Variants in STAMBP observed in about 807,000 individuals in gnomAD.
STAMBP encodes the protein STAM-binding protein.
In STAMBP, 31 loss-of-function variants were observed where a neutral mutation model predicts 50.7. The observed-to-expected ratio is 0.61, with a 90% CI of 0.46 to 0.83. The LOEUF is 0.83. Among genes scored for constraint, STAMBP ranks in the 40% least tolerant of loss-of-function variants. STAMBP has a pLI of 0.00. For synonymous variants in STAMBP, 211 were observed against 192.4 expected (o/e 1.10, Z -0.80); for missense variants, 472 against 518.9 (o/e 0.91, Z 0.88).
intron 7 of STAMBP, among the ~76,000 whole-genome samples, chr2:73,857,798 C>T (rs1677749506): frequency 6.6e-6 from 1 of 152,082 alleles, no homozygotes; most frequent in African/African-American, 2.4e-5. Flanking sequence ...TCTCCCCCAC[C>T]CCACTTGTGG....
intron 7 of STAMBP, among the ~76,000 whole-genome samples, chr2:73,854,341 G>T (rs1352558141): frequency 6.6e-6 from 1 of 152,224 alleles, no homozygotes; most frequent in Non-Finnish European, 1.5e-5. Flanking sequence ...ATGGGGGAAA[G>T]TTTAGAATCA....
At chr2:73,840,699 G>C (rs1178117789) in intron 2 of STAMBP, among the ~76,000 whole-genome samples, 1 of 149,770 alleles carries the variant, frequency 6.7e-6, no homozygotes, top group African/African-American at 2.5e-5. Context: ...AGCCGAGACT[G>C]CCCCACTGCA....
intron 2 of STAMBP, among the ~76,000 whole-genome samples, chr2:73,836,697 T>G (rs1217619284): frequency 6.6e-6 from 1 of 152,220 alleles, no homozygotes; most frequent in Middle Eastern, 3.2e-3. Flanking sequence ...GAACAGGGCC[T>G]TCTTCCTCCC....
intron 9 of STAMBP, among the ~76,000 whole-genome samples, chr2:73,860,827 A>G (rs976971650): frequency 6.6e-6 from 1 of 152,202 alleles, no homozygotes; most frequent in African/African-American, 2.4e-5. Flanking sequence ...AAAAGGGACT[A>G]AGAACCTTGA....
chr2:73,862,129 C>A, intron 9 of STAMBP, 74 bp from the exon 10 acceptor site: 1 of 1,383,150 alleles, frequency 7.2e-7, no homozygotes, highest in Non-Finnish European at 9.8e-7. Context: ...AGAGCAAGAC[C>A]CTATATGAAG....
chr2:73,849,143 T>C (rs1676487790), intron 5 of STAMBP, among the ~76,000 whole-genome samples: 1 of 152,230 alleles, frequency 6.6e-6, no homozygotes, highest in African/African-American at 2.4e-5. Context: ...TACTATTTTC[T>C]CTTCTTGAAG....
intron 4 of STAMBP, 90 bp from the exon 5 acceptor site, chr2:73,847,297 T>C: frequency 6.8e-7 from 1 of 1,480,404 alleles, no homozygotes; most frequent in Non-Finnish European, 9.1e-7. Flanking sequence ...GAAGTACATT[T>C]TGGAAATCTC....
chr2:73,830,749 A>G, intron 1 of STAMBP, 96 bp from the exon 2 acceptor site: 1 of 916,124 alleles, frequency 1.1e-6, no homozygotes, highest in Non-Finnish European at 1.6e-6. Context: ...TTTCTCTTAT[A>G]TTTTCTTCTT....
At chr2:73,830,784 T>C in intron 1 of STAMBP, 61 bp from the exon 2 acceptor site, 2 of 1,326,672 alleles carry the variant, frequency 1.5e-6, no homozygotes, top group South Asian at 1.2e-5. Flanking sequence ...TGAGATAAAC[T>C]GTAAAACTGC....
intron 1 of STAMBP, 138 bp downstream of exon 1, chr2:73,829,648 ATC>A (rs1362722361): frequency 6.6e-6 from 1 of 152,216 alleles, no homozygotes. Context: ...GAGATGGACT[ATC>A]TCTGCATCCC....
At chr2:73,834,885 G>C (rs779129873) in intron 2 of STAMBP, among the ~76,000 whole-genome samples, 7 of 152,172 alleles carry the variant, frequency 4.6e-5, no homozygotes, top group Admixed American at 6.5e-5. Flanking sequence ...GGGATTGAAA[G>C]ATCATTGTGT....
intron 4 of STAMBP, among the ~76,000 whole-genome samples, chr2:73,845,907 C>T (rs1156341574): frequency 6.6e-6 from 1 of 152,262 alleles, no homozygotes; most frequent in African/African-American, 2.4e-5. Flanking sequence ...GCTGGGATTA[C>T]AGGCGTGAGC....
chr2:73,867,459 G>A (rs940115565), downstream of STAMBP, among the ~76,000 whole-genome samples: 1 of 152,094 alleles, frequency 6.6e-6, no homozygotes, highest in Non-Finnish European at 1.5e-5. Context: ...CATGAGAATC[G>A]CTTGAACCTG....
In STAMBP at chr2:73,860,156, G is replaced by A. The variant is rs770444352; in HGVS notation, c.1218+5G>A. Reference sequence around the variant, plus strand: ...AAGGATCCACCTCTGTTCTGTGTACGTATCTATGTAAAAGAAAATGGGGCT... The same window carrying A: ...AAGGATCCACCTCTGTTCTGTGTACATATCTATGTAAAAGAAAATGGGGCT... On this transcript the variant is annotated splice_donor_5th_base_variant and intron_variant, in intron 9 of 9. Transcript: ENST00000394070. 5.6e-6 allele frequency: 9 copies of A among 1,610,760 alleles called. No homozygotes were observed. Among genetic ancestry groups the A allele is most frequent in the East Asian group, 2.2e-5 (1 of 44,810 alleles).
At chr2:73,833,385 ATGT>A (rs974597292) in intron 2 of STAMBP, among the ~76,000 whole-genome samples, 1 of 152,134 alleles carries the variant, frequency 6.6e-6, no homozygotes, top group Non-Finnish European at 1.5e-5. Context: ...TGTGGCCTCA[ATGT>A]TGTTAAGGTT....
At chr2:73,869,536 G>A (rs1430392063), downstream of STAMBP, among the ~76,000 whole-genome samples, 1 of 152,062 alleles carries the variant, frequency 6.6e-6, no homozygotes, top group Non-Finnish European at 1.5e-5. Context: ...ATTAATCTGA[G>A]ATATGTGAAA....
chr2:73,858,924 C>CA (rs1314283884), intron 7 of STAMBP, among the ~76,000 whole-genome samples: 1 of 151,838 alleles, frequency 6.6e-6, no homozygotes, highest in African/African-American at 2.4e-5. Context: ...CCCAGACCCC[C>CA]CAATGGATGC....
intron 2 of STAMBP, among the ~76,000 whole-genome samples, chr2:73,840,311 TTG>T (rs886252290): frequency 7.3e-6 from 1 of 137,748 alleles, no homozygotes; most frequent in Non-Finnish European, 1.5e-5. Context: ...ATTTAGGGGT[TTG>T]TTTTTTTTTT....
intron 7 of STAMBP, among the ~76,000 whole-genome samples, 192 bp from the exon 8 acceptor site, chr2:73,859,062 A>G (rs1677954424): frequency 6.6e-6 from 1 of 152,198 alleles, no homozygotes; most frequent in Non-Finnish European, 1.5e-5. Flanking sequence ...ATAAAACAGA[A>G]CAGTTATAAA....
Sources: allele counts gnomAD v4.1 joint callset (sites outside exome capture counted in the v4.1 genomes callset), GRCh38; gene constraint gnomAD v4.1.1; transcripts MANE v1.5; gene names NCBI Gene and HGNC (gene_info 2026-07-23, HGNC 2026-07-21).